RBFOX1: variants seen among roughly 807,000 people sequenced by gnomAD.
The protein encoded by RBFOX1 is RNA binding fox-1 homolog 1.
A neutral mutation model predicts 57.7 loss-of-function variants in RBFOX1; 8 were observed. The observed-to-expected ratio is 0.14, with a 90% confidence interval of 0.08 to 0.25. The LOEUF (loss-of-function observed/expected upper bound fraction) is 0.25. Ranked by LOEUF, RBFOX1 falls within the 10% of genes least tolerant of loss-of-function variation. The probability of loss-of-function intolerance (pLI) is 1.00; values close to 1 mark genes in which losing one functional copy is unlikely to be tolerated. For missense variants in RBFOX1, 611 were observed against 548.5 expected (o/e 1.11, Z -1.14); for synonymous variants, 326 against 222.4 (o/e 1.47, Z -4.15).
At chr16:7,438,228 C>G (rs2098738118) in intron 4 of RBFOX1, among the ~76,000 whole-genome samples, 1 of 152,126 alleles carries the variant, frequency 6.6e-6, no homozygotes, top group Non-Finnish European at 1.5e-5. Flanking sequence ...GAGAGTTCTT[C>G]ATGTCCTCTC....
chr16:5,798,464 C>A (rs755717949), intron 3 of RBFOX1, among the ~76,000 whole-genome samples: 3 of 152,096 alleles, frequency 2.0e-5, no homozygotes, highest in Non-Finnish European at 2.9e-5. Context: ...ATGGGACTTC[C>A]AGGTAGATGG....
chr16:7,189,221 C>G (rs1476365529), intron 4 of RBFOX1, among the ~76,000 whole-genome samples: 5 of 151,698 alleles, frequency 3.3e-5, no homozygotes, highest in East Asian at 1.9e-4. Context: ...GTCAGGCGAT[C>G]GAGACCATCC....
chr16:5,720,719 G>C (rs1025170088), intron 3 of RBFOX1, among the ~76,000 whole-genome samples: 2 of 152,098 alleles, frequency 1.3e-5, no homozygotes, highest in African/African-American at 4.8e-5. Flanking sequence ...TTATGCCCTC[G>C]TCAAAAATCA....
chr16:6,640,375 G>A (rs1016369881), intron 2 of RBFOX1, among the ~76,000 whole-genome samples: 7 of 152,184 alleles, frequency 4.6e-5, no homozygotes, highest in South Asian at 2.1e-4. Flanking sequence ...TGGGGAGGCC[G>A]AGGTGGGCGG....
At chr16:5,768,146 A>G (rs183443569) in intron 3 of RBFOX1, among the ~76,000 whole-genome samples, 78 of 152,306 alleles carry the variant, frequency 5.1e-4, no homozygotes, top group African/African-American at 1.6e-3. Flanking sequence ...CTGCAAGCTT[A>G]ATGAATGCAT....
At chr16:5,935,972 C>G (rs922067587) in intron 4 of RBFOX1, among the ~76,000 whole-genome samples, 1 of 152,112 alleles carries the variant, frequency 6.6e-6, no homozygotes, top group Non-Finnish European at 1.5e-5. Flanking sequence ...GTTCTGTAAA[C>G]CTGCAAGCTC....
At chr16:6,443,935 C>A (rs1041687684) in intron 2 of RBFOX1, among the ~76,000 whole-genome samples, 8 of 151,902 alleles carry the variant, frequency 5.3e-5, no homozygotes, top group African/African-American at 1.9e-4. Context: ...ACAGTAGAGC[C>A]AAAAGTGATG....
chr16:5,420,885 C>CG (rs147452941), intron 1 of RBFOX1, among the ~76,000 whole-genome samples: 1 of 131,942 alleles, frequency 7.6e-6, no homozygotes, highest in Admixed American at 7.7e-5. Context: ...CTCCCTCCCC[C>CG]TCCTCCTCTC....
chr16:6,525,491 T>A (rs1399833869), intron 2 of RBFOX1, among the ~76,000 whole-genome samples: 1 of 152,222 alleles, frequency 6.6e-6, no homozygotes, highest in Non-Finnish European at 1.5e-5. Context: ...AGCAAATGCA[T>A]GTTTCACTTT....
chr16:7,396,087 A>G (rs567261205), intron 4 of RBFOX1, among the ~76,000 whole-genome samples: 1 of 152,270 alleles, frequency 6.6e-6, no homozygotes, highest in South Asian at 2.1e-4. Context: ...GGGTGCTCTC[A>G]GCTTGTAAGT....
chr16:6,713,155 T>G (rs560627519), intron 3 of RBFOX1, among the ~76,000 whole-genome samples: 1 of 152,096 alleles, frequency 6.6e-6, no homozygotes, highest in Admixed American at 6.6e-5. Flanking sequence ...TGGACTAATA[T>G]GCCAATCTTT....
At chr16:5,472,257 G>A (rs3848382) in intron 2 of RBFOX1, among the ~76,000 whole-genome samples, 5,188 of 152,186 alleles carry the variant, frequency 0.034, 313 homozygotes, top group African/African-American at 0.12. Flanking sequence ...CGAGGCATAG[G>A]GAAGCCTGGG....
intron 4 of RBFOX1, among the ~76,000 whole-genome samples, chr16:7,358,489 C>G (rs1404538923): frequency 6.6e-6 from 1 of 152,090 alleles, no homozygotes; most frequent in Admixed American, 6.6e-5. Context: ...GGCGCGATCT[C>G]AGCTCACTGC....
At chr16:7,279,567 A>T (rs993307013) in intron 4 of RBFOX1, among the ~76,000 whole-genome samples, 1 of 152,152 alleles carries the variant, frequency 6.6e-6, no homozygotes, top group South Asian at 2.1e-4. Context: ...CTGATACTAT[A>T]TTATAGCCAG....
chr16:7,516,667 T>C (rs182080624), intron 4 of RBFOX1, among the ~76,000 whole-genome samples: 1 of 152,332 alleles, frequency 6.6e-6, no homozygotes, highest in Admixed American at 6.5e-5. Context: ...GCACAGACAT[T>C]TGGCGAAATT....
At chr16:5,996,838 A>T (rs1326825985) in intron 4 of RBFOX1, among the ~76,000 whole-genome samples, 1 of 152,198 alleles carries the variant, frequency 6.6e-6, no homozygotes, top group Non-Finnish European at 1.5e-5. Flanking sequence ...CAAACCCTCC[A>T]GGAAGCCAGA....
At chr16:6,395,305 T>G (rs1188744969) in intron 2 of RBFOX1, among the ~76,000 whole-genome samples, 1 of 152,210 alleles carries the variant, frequency 6.6e-6, no homozygotes, top group East Asian at 1.9e-4. Flanking sequence ...ATTTCAAAAT[T>G]GGCTCAAAGT....
chr16:6,207,600 A>G (rs1057461717), intron 1 of RBFOX1, among the ~76,000 whole-genome samples: 7 of 152,190 alleles, frequency 4.6e-5, no homozygotes, highest in Non-Finnish European at 8.8e-5. Context: ...AGATTGCCAT[A>G]TATTAATTTA....
chr16:7,273,258 C>CTTCCTTCCTTCCTTCT (rs1302306727), intron 4 of RBFOX1, among the ~76,000 whole-genome samples: 150 of 136,706 alleles, frequency 1.1e-3, no homozygotes, highest in Middle Eastern at 3.7e-3. Flanking sequence ...TCCTTCCTTC[C>CTTCCTTCCTTCCTTCT]TTCCTCCCTT....
Sources: gnomAD v4.1 joint callset for allele counts (sites outside exome capture counted in the v4.1 genomes callset) on GRCh38, gnomAD v4.1.1 for gene constraint, MANE v1.5 for transcripts, NCBI Gene and HGNC (gene_info 2026-07-23, HGNC 2026-07-21) for gene names.